The following HMG20A variants were observed in gnomAD, a reference collection of about 807,000 sequenced individuals.
HMG20A encodes high mobility group protein 20A.
A neutral mutation model predicts 43.9 loss-of-function variants in HMG20A; 17 were observed. The ratio of observed to expected loss-of-function variants is 0.39; its 90% confidence interval spans 0.27 to 0.58. HMG20A has a LOEUF of 0.58. Ranked by LOEUF, HMG20A falls within the 20% of genes least tolerant of loss-of-function variation. The pLI, the probability that HMG20A is intolerant of heterozygous loss-of-function variation, is 0.59. For missense variants in HMG20A, 341 were observed against 438.2 expected (o/e 0.78, Z 1.98); for synonymous variants, 132 against 147.5 (o/e 0.89, Z 0.76).
the HMG20A span, among the ~76,000 whole-genome samples, chr15:77,511,744 CAAA>C: frequency 3.3e-5 from 5 of 152,108 alleles, no homozygotes; most frequent in Non-Finnish European, 7.4e-5. Context: ...TGGCTACTAT[CAAA>C]GAAAGAAAAT....
At chr15:77,492,069 T>C in the HMG20A span, among the ~76,000 whole-genome samples, 1 of 152,228 alleles carries the variant, frequency 6.6e-6, no homozygotes. Context: ...CTATGGACCC[T>C]TCTAGGAATG....
At position 77,467,283 on chromosome 15, in the gene HMG20A, T is replaced by A; in HGVS notation, c.426T>A (p.Ser142Arg). 6.2e-7 allele frequency: 1 copy of A among 1,613,710 alleles called. No homozygotes were observed. The highest frequency in any genetic ancestry group is 8.5e-7 in the Non-Finnish European group (1 of 1,179,678). ...CAAGGATGTTAGGCAATGAATGGAG[T>A]AAACTGCCTCCTGAGGAAAAACAGG... The part of the protein sequence containing the change: ...EITRMLGNEW[S>R]KLPPEEKQRY... Residue 142 changes from serine (S) to arginine (R), a missense_variant, in exon 4 of 10, where the codon AGT becomes AGA. Physicochemically the swap from Ser to Arg is moderately radical, Grantham distance 110. Transcript: ENST00000336216.
intron 1 of HMG20A, 88 bp from the exon 2 acceptor site, chr15:77,458,316 A>G: frequency 1.3e-6 from 1 of 798,436 alleles, no homozygotes; most frequent in Non-Finnish European, 2.1e-6. Context: ...TATATGATAA[A>G]GTTCAAGAAG....
chr15:77,475,128 A>T (rs144650120), intron 6 of HMG20A, among the ~76,000 whole-genome samples: 2 of 152,170 alleles, frequency 1.3e-5, no homozygotes, highest in Non-Finnish European at 2.9e-5. Context: ...GTGAAAGGGT[A>T]ATCAGATCCT....
chr15:77,440,203 A>G (rs547253593), intron 1 of HMG20A, among the ~76,000 whole-genome samples: 1 of 152,254 alleles, frequency 6.6e-6, no homozygotes. Context: ...CCAATTTGTC[A>G]CTTTTCTCTA....
intron 1 of HMG20A, among the ~76,000 whole-genome samples, chr15:77,458,005 A>G (rs2072671733): frequency 6.6e-6 from 1 of 152,192 alleles, no homozygotes; most frequent in South Asian, 2.1e-4. Context: ...TTAAGTCAGC[A>G]ATTTTGTCTT....
chr15:77,486,778 T>C (rs753613235), downstream of HMG20A, among the ~76,000 whole-genome samples: 1 of 152,148 alleles, frequency 6.6e-6, no homozygotes, highest in Non-Finnish European at 1.5e-5. Context: ...CCTGTACTAT[T>C]GTAAGAAGGA....
intron 1 of HMG20A, among the ~76,000 whole-genome samples, chr15:77,422,767 T>C (rs2073384551): frequency 6.6e-6 from 1 of 152,236 alleles, no homozygotes; most frequent in African/African-American, 2.4e-5. Flanking sequence ...GTATGATTTA[T>C]ATTTTGAAAG....
intron 1 of HMG20A, 47 bp from the exon 2 acceptor site, chr15:77,458,351 TGAAATG>T (rs1241144609): frequency 8.4e-7 from 1 of 1,189,464 alleles, no homozygotes; most frequent in African/African-American, 1.5e-5. Context: ...TAGTGGAACT[TGAAATG>T]GAAGTAATTA....
intron 6 of HMG20A, 100 bp downstream of exon 6, chr15:77,471,914 A>G (rs2072812881): frequency 3.1e-6 from 2 of 645,820 alleles, no homozygotes; most frequent in Non-Finnish European, 5.3e-6. Context: ...ATGGCAAAGT[A>G]TTTCCTATCT....
intron 2 of HMG20A, among the ~76,000 whole-genome samples, chr15:77,461,638 C>A (rs538399278): frequency 6.6e-6 from 1 of 152,266 alleles, no homozygotes; most frequent in South Asian, 2.1e-4. Context: ...CATGTGATGC[C>A]TTTGGCCATT....
chr15:77,430,158 G>C (rs2073469269), intron 1 of HMG20A, among the ~76,000 whole-genome samples: 1 of 152,158 alleles, frequency 6.6e-6, no homozygotes, highest in Non-Finnish European at 1.5e-5. Flanking sequence ...TTTGTTATCA[G>C]ACATTTTATA....
At chr15:77,447,743 C>G (rs1440903172) in intron 1 of HMG20A, 1 of 152,118 alleles carries the variant, frequency 6.6e-6, no homozygotes, top group African/African-American at 2.4e-5. Flanking sequence ...AGATAACGGA[C>G]TGTAAAATTC....
At chr15:77,494,292 G>C in the HMG20A span, among the ~76,000 whole-genome samples, 1 of 152,004 alleles carries the variant, frequency 6.6e-6, no homozygotes, top group African/African-American at 2.4e-5. Flanking sequence ...ACCATGCCTG[G>C]CTAATTTTTC....
chr15:77,511,971 A>G, the HMG20A span, among the ~76,000 whole-genome samples: 1 of 152,242 alleles, frequency 6.6e-6, no homozygotes, highest in Admixed American at 6.5e-5. Flanking sequence ...TGTTTATAGC[A>G]GCATTATTCA....
the HMG20A span, among the ~76,000 whole-genome samples, chr15:77,501,270 A>G: frequency 6.6e-6 from 1 of 152,060 alleles, no homozygotes; most frequent in Non-Finnish European, 1.5e-5. Flanking sequence ...ACTTGTTTGC[A>G]TCACCTCCAC....
At chr15:77,436,953 C>A (rs1379390201) in intron 1 of HMG20A, among the ~76,000 whole-genome samples, 2 of 152,158 alleles carry the variant, frequency 1.3e-5, no homozygotes, top group Non-Finnish European at 2.9e-5. Context: ...GTCTACCTGT[C>A]TTTGTTGCTT....
chr15:77,453,646 A>G (rs572206172), intron 1 of HMG20A, among the ~76,000 whole-genome samples: 26 of 152,368 alleles, frequency 1.7e-4, no homozygotes, highest in South Asian at 1.7e-3. Context: ...AGCAGCATTC[A>G]TAATAACCAA....
Position 77,467,233 on chromosome 15 carries a change from C to A in HMG20A, c.376C>A (p.Pro126Thr). 6.2e-7 allele frequency: 1 copy of A among 1,614,082 alleles called. No homozygotes were observed. The highest frequency in any genetic ancestry group is 8.5e-7 in the Non-Finnish European group (1 of 1,179,978). Residue 126 changes from proline to threonine, a missense_variant, in exon 4 of 10, where the codon CCA becomes ACA. Physicochemically the swap from Pro to Thr is conservative, Grantham distance 38. This residue lies in a region of HMG20A where 220 missense variants were observed against 263.6 expected (regional missense o/e 0.83). Coordinates refer to ENST00000336216, the MANE Select transcript of HMG20A (RefSeq NM_001304504.2). ...TCGAGAACAACTTCGAGCAAAGAGA[C>A]CAGAAGTCCCATTTCCAGAAATCAC... ...ERREQLRAKRPEVPFPEITRM... is the reference protein window; with the variant it reads ...ERREQLRAKRTEVPFPEITRM...
Sources: allele counts gnomAD v4.1 joint callset (sites outside exome capture counted in the v4.1 genomes callset), GRCh38; gene constraint gnomAD v4.1.1; regional missense constraint gnomAD v4.1.1; transcripts MANE v1.5; gene names NCBI Gene and HGNC (gene_info 2026-07-23, HGNC 2026-07-21).